PROSER1: variants seen among roughly 807,000 people sequenced by gnomAD.
PROSER1 encodes proline and serine-rich protein 1.
In PROSER1, 36 loss-of-function variants were observed where a neutral mutation model predicts 71.8. That is an observed-to-expected ratio of 0.50 (90% CI 0.38 to 0.66). The LOEUF is 0.66. PROSER1 is among the 30% of genes least tolerant of loss of function. The pLI, the probability that PROSER1 is intolerant of heterozygous loss-of-function variation, is 0.00. For synonymous variants in PROSER1, 490 were observed against 452.4 expected, an observed-to-expected ratio of 1.08 and a Z score of -1.06; for missense variants, 1,107 against 1,135.0, an observed-to-expected ratio of 0.98 and a Z score of 0.35.
chr13:39,024,098 A>T (rs1422485544), intron 7 of PROSER1, among the ~76,000 whole-genome samples: 1 of 149,584 alleles, frequency 6.7e-6, no homozygotes, highest in Non-Finnish European at 1.5e-5. Context: ...TGCAATCATT[A>T]TAATCACTAT....
At chr13:39,035,741 G>A (rs1871071432) in intron 1 of PROSER1, among the ~76,000 whole-genome samples, 2 of 152,152 alleles carry the variant, frequency 1.3e-5, no homozygotes, top group African/African-American at 4.8e-5. Context: ...ATACTCAAGA[G>A]ATGACCTGGT....
In PROSER1 at chr13:39,014,312, G is replaced by T. The variant is rs1267932910; in HGVS notation, c.940C>A (p.Pro314Thr). 1 of 1,614,144 alleles carries T rather than the reference G, an allele frequency of 6.2e-7. No individual in the cohort carries two copies. The stretch of plus-strand genomic sequence containing the variant: ...GAGGAGACCTGCCCTGGGAACACAG[G>T]AAGGACAGTATTCAGCAGGTTCATT... ...SGMNLLNTVL[P>T]VFPGQVSSAV... Residue 314 changes from proline to threonine, a missense_variant, in exon 11 of 13, where the codon CCT becomes ACT. Transcript: ENST00000352251.
intron 1 of PROSER1, among the ~76,000 whole-genome samples, chr13:39,036,712 T>C (rs1159371516): frequency 6.6e-6 from 1 of 152,220 alleles, no homozygotes; most frequent in Non-Finnish European, 1.5e-5. Context: ...TTAAACTTAA[T>C]GCCACACTTA....
At chr13:39,029,245 AG>A (rs35593473) in intron 4 of PROSER1, 35 bp downstream of exon 4, 90,300 of 1,080,354 alleles carry the variant, frequency 0.084, 2,310 homozygotes, top group African/African-American at 0.25. Context: ...TTTTTTCCCA[AG>A]TAAAAAAAAA....
intron 2 of PROSER1, among the ~76,000 whole-genome samples, chr13:39,033,242 A>G (rs1870944746): frequency 6.6e-6 from 1 of 152,242 alleles, no homozygotes; most frequent in Non-Finnish European, 1.5e-5. Flanking sequence ...TTTTTAAAAG[A>G]GCATAAAGTA....
intron 1 of PROSER1, 110 bp downstream of exon 1, chr13:39,037,088 T>G: frequency 5.2e-6 from 4 of 773,232 alleles, no homozygotes; most frequent in East Asian, 2.6e-5. Flanking sequence ...TCAAACCAAT[T>G]TGGCAATCCT....
intron 2 of PROSER1, among the ~76,000 whole-genome samples, chr13:39,033,693 T>C (rs192132792): frequency 4.6e-5 from 7 of 152,362 alleles, no homozygotes; most frequent in African/African-American, 1.7e-4. Context: ...TAAATAACAC[T>C]GTGTATTTTT....
intron 12 of PROSER1, 45 bp from the exon 13 acceptor site, chr13:39,011,532 T>C: frequency 1.2e-6 from 2 of 1,603,778 alleles, no homozygotes; most frequent in Non-Finnish European, 8.5e-7. Context: ...GCCAAGTTCA[T>C]TCAAGCCTGC....
intron 11 of PROSER1, 23 bp downstream of exon 11, chr13:39,012,668 C>G: frequency 1.4e-6 from 2 of 1,478,546 alleles, no homozygotes; most frequent in Non-Finnish European, 1.8e-6. Context: ...TAATTTTATC[C>G]TATTTCCAAA....
At chr13:39,032,395 T>TAAAGATC (rs1277937763) in intron 2 of PROSER1, among the ~76,000 whole-genome samples, 1 of 152,052 alleles carries the variant, frequency 6.6e-6, no homozygotes, top group Non-Finnish European at 1.5e-5. Flanking sequence ...GCACAGGGCA[T>TAAAGATC]AAAGATCAGG....
rs756127304 is a variant in PROSER1, at chr13:39,013,063, G to A, written c.2189C>T (p.Ser730Phe). ...GAGAGATGTGGAGGTGGCAGCGGTA[G>A]ATGAGGTGGCTATTAATGACCCTGG... ...SLPGSLIATS[S>F]TAATSTSLPH... Residue 730 changes from serine (S) to phenylalanine (F), a missense_variant, in exon 11 of 13, where the codon TCT becomes TTT. By Grantham distance (155) the Ser-to-Phe change is radical (BLOSUM62 -2). Transcript: ENST00000352251. The A allele has an allele frequency of 6.2e-7, 1 of 1,614,134 alleles. No homozygotes were observed. Among genetic ancestry groups the A allele is most frequent in the South Asian group, 1.1e-5 (1 of 91,072 alleles).
chr13:39,011,348 A>C lies in PROSER1; in HGVS notation c.*17T>G, dbSNP rs770592043. On this transcript the variant is annotated 3_prime_UTR_variant, in exon 13 of 13. Coordinates refer to ENST00000352251, the MANE Select transcript of PROSER1 (RefSeq NM_025138.5). ...AATTCTGATGTTGCTCTGAAGGAGA[A>C]TAAAAGTTAAAAGTATTCACTGCCA... 2 of 1,613,310 alleles carry C rather than the reference A, an allele frequency of 1.2e-6. No individual in the cohort carries two copies. The highest frequency in any genetic ancestry group is 1.1e-5 in the South Asian group (1 of 91,020).
rs376272013 is a variant in PROSER1 at position 39,014,063 on chromosome 13, C to T, written c.1189G>A (p.Ala397Thr). The change falls in exon 11 of 13, where the codon GCT becomes ACT. Residue 397 changes from alanine (A) to threonine (T), a missense_variant. Ala to Thr is a moderately conservative substitution (Grantham distance 58). Transcript: ENST00000352251. ...CTAGTGAAAGGTGCAGAAGTAGAAGCAAATGCTTCACTGGAACCAAGAGTG... is the reference window on the plus strand; with the variant it reads ...CTAGTGAAAGGTGCAGAAGTAGAAGTAAATGCTTCACTGGAACCAAGAGTG... ...RSTLGSSEAF[A>T]STSAPFTSLP... 2.5e-6 allele frequency: 4 copies of T among 1,614,164 alleles called. No homozygotes were observed. The highest frequency in any genetic ancestry group is 3.4e-6 in the Non-Finnish European group (4 of 1,180,028).
intron 2 of PROSER1, among the ~76,000 whole-genome samples, chr13:39,033,383 A>C (rs1566029328): frequency 6.6e-6 from 1 of 152,226 alleles, no homozygotes; most frequent in Non-Finnish European, 1.5e-5. Context: ...TCAAGTTTTG[A>C]AGTTCTTGAG....
chr13:39,012,846 A>T lies in PROSER1; in HGVS notation c.2406T>A (p.Ala802=), dbSNP rs773975514. The stretch of plus-strand genomic sequence containing the variant: ...CCTGCAGCCCCGGGAATGAGGGAAG[A>T]GCAGGGGTAACGCTTGGGGTATTAG... ...SVSNTPSVTP[A]LPSFPGLQAP... is the part of the protein sequence containing the mutation. Residue 802 remains alanine, a synonymous_variant, in exon 11 of 13, where the codon GCT becomes GCA. Coordinates refer to ENST00000352251, the MANE Select transcript of PROSER1 (RefSeq NM_025138.5). 1.2e-6 allele frequency: 2 copies of T among 1,614,206 alleles called. No homozygotes were observed.
intron 9 of PROSER1, chr13:39,017,805 A>C: frequency 2.9e-6 from 1 of 339,402 alleles, no homozygotes. Flanking sequence ...TAGCATCTCT[A>C]CCTTAGCTTG....
chr13:39,012,392 T>C (rs1454482167), intron 11 of PROSER1, 159 bp from the exon 12 acceptor site: 3 of 773,848 alleles, frequency 3.9e-6, no homozygotes, highest in Non-Finnish European at 6.3e-6. Context: ...CATTCCCTGA[T>C]ATGAATCTTT....
Position 39,024,575 on chromosome 13 carries a change from AAAG to A in PROSER1, c.481-22_481-20del. On this transcript the variant is annotated intron_variant, in intron 6 of 12. Coordinates refer to ENST00000352251, the MANE Select transcript of PROSER1 (RefSeq NM_025138.5). ...GAGTTCCCTATTAAAAAAAAAAAAA[AAAG>A]GTAATTGAAACTTAAAAAAAAAACC... 2 of 1,531,158 alleles carry A rather than the reference AAAG, an allele frequency of 1.3e-6. No individual in the cohort carries two copies. The highest frequency in any genetic ancestry group is 2.8e-5 in the African/African-American group (2 of 71,050). The allele number at this position is 1,531,158 out of a possible 1,614,324, so 94.8% of individuals were successfully genotyped here. A position where few individuals can be genotyped will look rare whatever the true frequency, so the allele number is the denominator to read the frequency against.
At chr13:39,029,247 TAAAAAAAAAAA>T (rs34146778) in intron 4 of PROSER1, 23 bp downstream of exon 4, 6 of 741,222 alleles carry the variant, frequency 8.1e-6, no homozygotes, top group South Asian at 6.6e-5. Flanking sequence ...TTTTCCCAAG[TAAAAAAAAAAA>T]AAAAAAAAAA....
Sources: gnomAD v4.1 joint callset for allele counts (sites outside exome capture counted in the v4.1 genomes callset) on GRCh38, gnomAD v4.1.1 for gene constraint, MANE v1.5 for transcripts, NCBI Gene and HGNC (gene_info 2026-07-23, HGNC 2026-07-21) for gene names.